Variants in PGCKA1 observed in about 807,000 individuals in gnomAD.
PGCKA1 encodes PDCD10 and GCKIII kinases associated 1, also known as PDCD10 and GCKIII kinases-associated protein 1.
At chr4:37,495,442 G>T in the PGCKA1 span, among the ~76,000 whole-genome samples, 3 of 152,098 alleles carry the variant, frequency 2.0e-5, no homozygotes, top group East Asian at 1.9e-4. Context: ...TATGTTTATT[G>T]CACTGACTTG....
the PGCKA1 span, among the ~76,000 whole-genome samples, chr4:37,470,695 A>T: frequency 6.6e-6 from 1 of 152,220 alleles, no homozygotes; most frequent in Non-Finnish European, 1.5e-5. Context: ...GTTATAAATT[A>T]TCACCGGAGC....
chr4:37,573,138 A>G, the PGCKA1 span, among the ~76,000 whole-genome samples: 1 of 152,232 alleles, frequency 6.6e-6, no homozygotes, highest in Non-Finnish European at 1.5e-5. Flanking sequence ...CATGTATATC[A>G]TTAATGAGAA....
chr4:37,485,201 T>G, the PGCKA1 span, among the ~76,000 whole-genome samples: 344 of 152,286 alleles, frequency 2.3e-3, 1 homozygote, highest in African/African-American at 7.5e-3. Context: ...CTGCTTGTTT[T>G]CTGATCAGGT....
the PGCKA1 span, among the ~76,000 whole-genome samples, chr4:37,477,725 G>A: frequency 6.6e-6 from 1 of 152,234 alleles, no homozygotes; most frequent in South Asian, 2.1e-4. Context: ...AGTAGCTTTT[G>A]TTTGGGAATT....
the PGCKA1 span, chr4:37,557,884 T>C: frequency 2.0e-5 from 3 of 152,322 alleles, no homozygotes; most frequent in South Asian, 6.2e-4. Context: ...CTGGGCAAAC[T>C]GTTCCAAGCC....
At chr4:37,553,800 G>A in the PGCKA1 span, among the ~76,000 whole-genome samples, 3 of 152,128 alleles carry the variant, frequency 2.0e-5, no homozygotes, top group Admixed American at 2.0e-4. Context: ...AACATGCAAG[G>A]TACCACCTAT....
At chr4:37,503,389 C>T in the PGCKA1 span, among the ~76,000 whole-genome samples, 4 of 152,156 alleles carry the variant, frequency 2.6e-5, no homozygotes, top group Admixed American at 6.5e-5. Flanking sequence ...CCCATCATCC[C>T]AGTCCCTCAG....
the PGCKA1 span, among the ~76,000 whole-genome samples, chr4:37,577,107 T>A: frequency 6.6e-6 from 1 of 152,296 alleles, no homozygotes; most frequent in East Asian, 1.9e-4. Context: ...TAGAATGAGT[T>A]TGAAAATATT....
At chr4:37,485,815 C>G in the PGCKA1 span, among the ~76,000 whole-genome samples, 6 of 152,124 alleles carry the variant, frequency 3.9e-5, no homozygotes, top group Non-Finnish European at 7.4e-5. Context: ...TTTGACCTGG[C>G]TTTTCTACAA....
At chr4:37,500,378 C>A in the PGCKA1 span, among the ~76,000 whole-genome samples, 102 of 152,264 alleles carry the variant, frequency 6.7e-4, no homozygotes, top group African/African-American at 2.4e-3. Flanking sequence ...ATTACTTACC[C>A]AAAAGTCCTT....
At chr4:37,480,508 AAAC>A in the PGCKA1 span, among the ~76,000 whole-genome samples, 1 of 152,054 alleles carries the variant, frequency 6.6e-6, no homozygotes, top group Admixed American at 6.6e-5. Flanking sequence ...AAAAACAAAC[AAAC>A]AAAAAAAACT....
chr4:37,467,436 G>C, the PGCKA1 span, among the ~76,000 whole-genome samples: 1 of 152,164 alleles, frequency 6.6e-6, no homozygotes, highest in African/African-American at 2.4e-5. Flanking sequence ...AGAGCAAACT[G>C]CCCTTCTTCT....
At chr4:37,539,627 C>T in the PGCKA1 span, among the ~76,000 whole-genome samples, 1 of 152,214 alleles carries the variant, frequency 6.6e-6, no homozygotes, top group Non-Finnish European at 1.5e-5. Context: ...GCACTCCAGC[C>T]TGGGCGACAG....
At chr4:37,544,506 AT>A in the PGCKA1 span, among the ~76,000 whole-genome samples, 4 of 150,006 alleles carry the variant, frequency 2.7e-5, no homozygotes, top group African/African-American at 9.8e-5. Flanking sequence ...TGGTCTTCTA[AT>A]TTTTTTTTAT....
At chr4:37,514,889 G>A in the PGCKA1 span, among the ~76,000 whole-genome samples, 5 of 152,150 alleles carry the variant, frequency 3.3e-5, no homozygotes, top group African/African-American at 9.7e-5. Flanking sequence ...CCAGGGCTGT[G>A]GGTCAAGGTC....
the PGCKA1 span, among the ~76,000 whole-genome samples, chr4:37,566,949 G>A: frequency 6.6e-6 from 1 of 152,090 alleles, no homozygotes; most frequent in Non-Finnish European, 1.5e-5. Context: ...CCTGCCATCT[G>A]CTGGTGAATT....
the PGCKA1 span, among the ~76,000 whole-genome samples, chr4:37,468,892 G>A: frequency 2.6e-5 from 4 of 151,950 alleles, no homozygotes; most frequent in South Asian, 2.1e-4. Context: ...CTTAAAATTC[G>A]GAAAAAACGT....
the PGCKA1 span, among the ~76,000 whole-genome samples, chr4:37,526,412 G>A: frequency 6.6e-6 from 1 of 152,222 alleles, no homozygotes; most frequent in Admixed American, 6.5e-5. Context: ...TACCTCAGTG[G>A]ACTACAAACC....
chr4:37,524,823 A>G, the PGCKA1 span, among the ~76,000 whole-genome samples: 1 of 152,226 alleles, frequency 6.6e-6, no homozygotes, highest in Non-Finnish European at 1.5e-5. Flanking sequence ...AACTGAGGTG[A>G]TGTTGAGAAA....
Sources: gnomAD v4.1 joint callset for allele counts (sites outside exome capture counted in the v4.1 genomes callset) on GRCh38, gnomAD v4.1.1 for gene constraint, MANE v1.5 for transcripts, NCBI Gene and HGNC (gene_info 2026-07-23, HGNC 2026-07-21) for gene names.